Variants in KLRG1 observed in about 807,000 individuals in gnomAD.
KLRG1 encodes killer cell lectin-like receptor subfamily G member 1.
Under a neutral mutation model 21.8 loss-of-function variants are expected in KLRG1, and 16 were observed. That is an observed-to-expected ratio of 0.73 (90% confidence interval 0.50 to 1.11). The LOEUF (loss-of-function observed/expected upper bound fraction) is 1.11. Among genes scored for constraint, KLRG1 ranks in the 50% most tolerant of loss-of-function variants. The pLI is 0.00. For missense variants in KLRG1, 173 were observed against 218.3 expected (o/e 0.79, Z 1.31); for synonymous variants, 69 against 75.9 (o/e 0.91, Z 0.47).
the KLRG1 span, chr12:9,072,459 C>T: frequency 1.9e-6 from 3 of 1,612,602 alleles, no homozygotes; most frequent in Non-Finnish European, 2.5e-6. Flanking sequence ...TCTTCCTTTT[C>T]TGGGAGAATA....
chr12:9,176,631 C>A, the KLRG1 span, among the ~76,000 whole-genome samples: 1 of 152,170 alleles, frequency 6.6e-6, no homozygotes, highest in East Asian at 1.9e-4. Context: ...ACCCACAGGG[C>A]AGGGCCAGAG....
chr12:9,116,381 A>G, the KLRG1 span, among the ~76,000 whole-genome samples: 1 of 152,230 alleles, frequency 6.6e-6, no homozygotes, highest in African/African-American at 2.4e-5. Context: ...TCCTCTTTGA[A>G]AATGGCACGA....
the KLRG1 span, among the ~76,000 whole-genome samples, chr12:9,051,750 A>G: frequency 1.3e-5 from 2 of 152,180 alleles, no homozygotes; most frequent in Admixed American, 6.5e-5. Context: ...CTCTAGCCTC[A>G]CTTTTTATCA....
chr12:9,129,292 A>G, the KLRG1 span, among the ~76,000 whole-genome samples: 1 of 152,176 alleles, frequency 6.6e-6, no homozygotes, highest in Non-Finnish European at 1.5e-5. Flanking sequence ...TTCATTCAAT[A>G]CATATAAATT....
chr12:9,179,605 A>G, the KLRG1 span, among the ~76,000 whole-genome samples: 12 of 152,334 alleles, frequency 7.9e-5, no homozygotes, highest in South Asian at 2.3e-3. Context: ...CTCTACAGAC[A>G]TAAATAGTTC....
At chr12:8,984,874 T>C (rs1946817349), upstream of KLRG1, among the ~76,000 whole-genome samples, 1 of 152,232 alleles carries the variant, frequency 6.6e-6, no homozygotes, top group South Asian at 2.1e-4. Flanking sequence ...ATCTGTGTTA[T>C]GTATCCTCTT....
the KLRG1 span, chr12:9,109,511 A>G: frequency 1.2e-6 from 1 of 836,408 alleles, no homozygotes; most frequent in Non-Finnish European, 2.0e-6. Context: ...TAGGGCTCTG[A>G]AAAGGTAGCT....
the KLRG1 span, among the ~76,000 whole-genome samples, chr12:9,142,333 G>A: frequency 6.6e-6 from 1 of 152,130 alleles, no homozygotes; most frequent in Non-Finnish European, 1.5e-5. Context: ...CACAAGCAAA[G>A]ATTATTCTGT....
At chr12:9,139,851 T>C in the KLRG1 span, among the ~76,000 whole-genome samples, 1 of 69,528 alleles carries the variant, frequency 1.4e-5, no homozygotes, top group South Asian at 5.1e-4. Context: ...TTCTGACCAA[T>C]TTTTGGTCAG....
chr12:9,187,469 A>C, the KLRG1 span, among the ~76,000 whole-genome samples: 9 of 152,204 alleles, frequency 5.9e-5, no homozygotes, highest in Non-Finnish European at 1.0e-4. Context: ...AAATGAAATC[A>C]TACACTCCAC....
the KLRG1 span, among the ~76,000 whole-genome samples, chr12:9,039,122 C>T: frequency 6.6e-6 from 1 of 152,166 alleles, no homozygotes; most frequent in Non-Finnish European, 1.5e-5. Context: ...TCTGTTCATT[C>T]AATAAGTTGG....
At chr12:9,104,483 C>T in the KLRG1 span, 1 of 1,418,588 alleles carries the variant, frequency 7.0e-7, no homozygotes, top group Non-Finnish European at 9.6e-7. Context: ...TTTTTTAGTG[C>T]CTCCTCTATG....
the KLRG1 span, chr12:9,153,203 T>G: frequency 4.8e-5 from 77 of 1,614,036 alleles, no homozygotes; most frequent in Non-Finnish European, 6.1e-5. Context: ...TCTGCTGCAG[T>G]AATAGGAGGT....
the KLRG1 span, among the ~76,000 whole-genome samples, chr12:9,097,037 CTGAAAGCTTCTGCTTTATTATTAATAAA>C: frequency 1.3e-5 from 2 of 152,170 alleles, no homozygotes; most frequent in Non-Finnish European, 2.9e-5. Flanking sequence ...TACTAAATCC[CTGAAAGCTTCTGCTTTATTATTAATAAA>C]TAGGACTGTC....
the KLRG1 span, among the ~76,000 whole-genome samples, chr12:9,078,489 C>T: frequency 2.4e-4 from 36 of 152,128 alleles, 1 homozygote; most frequent in East Asian, 5.6e-3. Context: ...TAAATAGTGC[C>T]GCGATAAACA....
chr12:9,072,543 C>A, the KLRG1 span: 1 of 1,599,874 alleles, frequency 6.3e-7, no homozygotes, highest in Non-Finnish European at 8.5e-7. Flanking sequence ...TTCCTGTCCA[C>A]GTCCCTAACC....
chr12:9,068,730 T>C, the KLRG1 span: 1 of 1,578,754 alleles, frequency 6.3e-7, no homozygotes, highest in South Asian at 1.2e-5. Flanking sequence ...TGAAAATCAC[T>C]CTCACTCACC....
chr12:9,077,588 G>T, the KLRG1 span: 1 of 1,524,520 alleles, frequency 6.6e-7, no homozygotes, highest in Non-Finnish European at 8.9e-7. Context: ...GTGCCATCCA[G>T]GTTTTATTTT....
chr12:8,980,760 G>T (rs1215417427), intron 1 of KLRG1, among the ~76,000 whole-genome samples: 1 of 152,180 alleles, frequency 6.6e-6, no homozygotes, highest in Non-Finnish European at 1.5e-5. Flanking sequence ...GTTCTGGGCA[G>T]CTCCATCGGC....
Sources: allele counts gnomAD v4.1 joint callset (sites outside exome capture counted in the v4.1 genomes callset), GRCh38; gene constraint gnomAD v4.1.1; transcripts MANE v1.5; gene names NCBI Gene and HGNC (gene_info 2026-07-23, HGNC 2026-07-21).